RPL6: variants seen among roughly 807,000 people sequenced by gnomAD.
RPL6 encodes large ribosomal subunit protein eL6.
In RPL6, 1 loss-of-function variant was observed where a neutral mutation model predicts 32.1. The ratio of observed to expected loss-of-function variants is 0.03; its 90% CI spans 0.01 to 0.15. RPL6 has a LOEUF of 0.15. Among genes scored for constraint, RPL6 ranks in the 10% least tolerant of loss-of-function variants. The pLI, the probability that RPL6 is intolerant of heterozygous loss-of-function variation, is 1.00. For missense variants in RPL6, 275 were observed against 354.6 expected (o/e 0.78, Z 1.80); for synonymous variants, 126 against 131.6 (o/e 0.96, Z 0.29).
rs2037180614 is a variant in RPL6, at chr12:112,406,749, T to G, written c.478A>C (p.Lys160Gln). The change falls in exon 4 of 7, where the codon AAG becomes CAG. Residue 160 changes from lysine (K) to glutamine (Q), a missense_variant and splice_region_variant. Transcript: ENST00000202773. ...GCCCCAAGCACAGGTACTCTCACCTTGCCCCTGTGGCGTCCAGTGAGGATG... is the reference window on the plus strand; with the variant it reads ...GCCCCAAGCACAGGTACTCTCACCTGGCCCCTGTGGCGTCCAGTGAGGATG... ...LIILTGRHRG[K>Q]RVVFLKQLAS... The G allele has an allele frequency of 6.2e-7, 1 of 1,614,056 alleles. No individual in the cohort carries two copies. Among genetic ancestry groups the G allele is most frequent in the African/African-American group, 1.3e-5 (1 of 74,960 alleles).
upstream of RPL6, among the ~76,000 whole-genome samples, chr12:112,415,223 T>C (rs1203672899): frequency 6.7e-6 from 1 of 149,312 alleles, no homozygotes; most frequent in Non-Finnish European, 1.5e-5. Flanking sequence ...GGCTGGGTCA[T>C]AGAGAATGAA....
intron 1 of RPL6, among the ~76,000 whole-genome samples, chr12:112,416,928 A>C (rs1349689761): frequency 6.6e-6 from 1 of 152,222 alleles, no homozygotes; most frequent in African/African-American, 2.4e-5. Flanking sequence ...CATGATGCTG[A>C]AGCAGTTAGC....
chr12:112,406,627 T>C (rs1010958822), intron 4 of RPL6, 120 bp downstream of exon 4: 8 of 1,330,486 alleles, frequency 6.0e-6, no homozygotes, highest in Non-Finnish European at 8.2e-6. Context: ...ATCTTGCAGA[T>C]CATTTCCCCT....
chr12:112,407,117 A>C (rs2037195603), intron 3 of RPL6: 1 of 453,498 alleles, frequency 2.2e-6, no homozygotes, highest in African/African-American at 2.0e-5. Context: ...ATGTGTGCTC[A>C]AGCAAAGAAA....
At chr12:112,409,134 T>C in intron 1 of RPL6, 1 of 265,290 alleles carries the variant, frequency 3.8e-6, no homozygotes. Context: ...CAGCCCAAAT[T>C]GAGCCAGAGA....
upstream of RPL6, chr12:112,410,213 G>T: frequency 5.0e-6 from 1 of 199,916 alleles, no homozygotes. Flanking sequence ...CAGCTATTCG[G>T]GAGGCTAAGG....
At chr12:112,407,658 C>T (rs1380676278) in intron 3 of RPL6, 10 of 153,392 alleles carry the variant, frequency 6.5e-5, no homozygotes, top group Admixed American at 6.5e-4. Flanking sequence ...CCAAGAAACA[C>T]TGCTCTAGTG....
At chr12:112,409,897 A>T (rs567882913), upstream of RPL6, among the ~76,000 whole-genome samples, 9 of 151,972 alleles carry the variant, frequency 5.9e-5, no homozygotes, top group South Asian at 1.7e-3. Context: ...CTGTAATGAC[A>T]GCCAGTCGAG....
At chr12:112,412,188 C>T (rs1362501481), upstream of RPL6, among the ~76,000 whole-genome samples, 1 of 152,056 alleles carries the variant, frequency 6.6e-6, no homozygotes, top group African/African-American at 2.4e-5. Flanking sequence ...TACAGGCGCC[C>T]GCCACCATGC....
At chr12:112,418,814 G>A (rs1449100503) in exon 1 of RPL6, 3 of 469,536 alleles carry the variant, frequency 6.4e-6, no homozygotes, top group African/African-American at 2.1e-5. Context: ...TGCCATTCCC[G>A]GCCGTCGCTC....
upstream of RPL6, among the ~76,000 whole-genome samples, chr12:112,414,047 A>G (rs1320298846): frequency 1.3e-5 from 2 of 152,208 alleles, no homozygotes; most frequent in Non-Finnish European, 2.9e-5. Flanking sequence ...CAAAAAGTGA[A>G]AGAATGTTTT....
upstream of RPL6, chr12:112,411,566 T>G (rs2037341782): frequency 6.6e-6 from 1 of 152,164 alleles, no homozygotes; most frequent in South Asian, 2.1e-4. Context: ...CTGCAGAAAA[T>G]GTACCACAAT....
intron 1 of RPL6, chr12:112,409,209 G>T (rs1364536942): frequency 2.7e-6 from 1 of 363,720 alleles, no homozygotes; most frequent in Non-Finnish European, 4.9e-6. Flanking sequence ...AAACCTTTTG[G>T]CTTCAGTGCG....
At chr12:112,412,465 T>C (rs2037352621), upstream of RPL6, among the ~76,000 whole-genome samples, 1 of 151,056 alleles carries the variant, frequency 6.6e-6, no homozygotes, top group East Asian at 2.0e-4. Flanking sequence ...GTGAGCCACC[T>C]CGCCCAGCCT....
rs1278998614 is a variant in RPL6, at chr12:112,408,631, G to A, written c.26C>T (p.Pro9Leu). 1.3e-6 allele frequency: 2 copies of A among 1,565,282 alleles called. No homozygotes were observed. Among genetic ancestry groups the A allele is most frequent in the African/African-American group, 1.4e-5 (1 of 72,468 alleles). Residue 9 changes from proline to leucine, a missense_variant, in exon 2 of 7, where the codon CCA becomes CTA. By Grantham distance (98) the Pro-to-Leu change is moderately conservative. Coordinates refer to ENST00000202773, the MANE Select transcript of RPL6 (RefSeq NM_000970.6). MAGEKVEK[P>L]DTKEKKPEAK... The stretch of plus-strand genomic sequence containing the variant: ...TTCGGGTTTCTTCTCTTTAGTATCT[G>A]GCTTCTCAACTTTTTCACCCGCCAT...
chr12:112,418,512 G>C (rs1387758271), intron 1 of RPL6: 7 of 208,224 alleles, frequency 3.4e-5, no homozygotes. Context: ...CCAAAGTGTT[G>C]GGATTACGGG....
chr12:112,413,688 G>A (rs540731408), upstream of RPL6, among the ~76,000 whole-genome samples: 8 of 151,678 alleles, frequency 5.3e-5, no homozygotes, highest in South Asian at 4.2e-4. Context: ...TACCATGCCC[G>A]GCCATATAAA....
At chr12:112,418,286 T>C (rs1030283923) in intron 1 of RPL6, 1 of 152,334 alleles carries the variant, frequency 6.6e-6, no homozygotes, top group Non-Finnish European at 1.5e-5. Context: ...CCTATTATTA[T>C]TTTTTTAGGC....
chr12:112,407,928 C>G, intron 3 of RPL6: 1 of 286,170 alleles, frequency 3.5e-6, no homozygotes, highest in Non-Finnish European at 6.6e-6. Flanking sequence ...CCATGTTGGC[C>G]AGGCTGGTCT....
Sources: allele counts gnomAD v4.1 joint callset (sites outside exome capture counted in the v4.1 genomes callset), GRCh38; gene constraint gnomAD v4.1.1; transcripts MANE v1.5; gene names NCBI Gene and HGNC (gene_info 2026-07-23, HGNC 2026-07-21).